SLC9A9: variants seen among roughly 807,000 people sequenced by gnomAD.
SLC9A9 encodes the protein solute carrier family 9 member A9.
Under a neutral mutation model 77.8 loss-of-function variants are expected in SLC9A9, and 62 were observed. The ratio of observed to expected loss-of-function variants is 0.80; its 90% CI spans 0.65 to 0.98. The LOEUF is 0.98. SLC9A9 is among the 50% of genes least tolerant of loss of function. The pLI is 0.00. For missense variants in SLC9A9, 775 were observed against 774.9 expected (o/e 1.00, Z 0.00); for synonymous variants, 320 against 283.5 (o/e 1.13, Z -1.29).
At chr3:143,409,028 A>C (rs6765388) in intron 12 of SLC9A9, among the ~76,000 whole-genome samples, 9,874 of 152,280 alleles carry the variant, frequency 0.065, 522 homozygotes, top group African/African-American at 0.14. Flanking sequence ...TAATTCTGGG[A>C]TCAGAAATAC....
intron 12 of SLC9A9, among the ~76,000 whole-genome samples, chr3:143,422,643 C>T (rs1294261690): frequency 6.6e-6 from 1 of 152,140 alleles, no homozygotes; most frequent in Admixed American, 6.5e-5. Context: ...CCTATTGGGT[C>T]CTATGCTCAT....
intron 2 of SLC9A9, among the ~76,000 whole-genome samples, chr3:143,808,416 A>G (rs2008779623): frequency 1.3e-5 from 2 of 152,242 alleles, no homozygotes; most frequent in South Asian, 4.1e-4. Context: ...CAGAAAATCA[A>G]TCTAATTCTA....
intron 8 of SLC9A9, among the ~76,000 whole-genome samples, chr3:143,566,081 AACTT>A (rs1228763875): frequency 2.6e-5 from 4 of 152,150 alleles, no homozygotes; most frequent in Non-Finnish European, 5.9e-5. Flanking sequence ...GTAATAAGCC[AACTT>A]ACTTACTCAG....
chr3:143,412,537 C>T (rs931914745), intron 12 of SLC9A9, among the ~76,000 whole-genome samples: 1 of 152,192 alleles, frequency 6.6e-6, no homozygotes, highest in Non-Finnish European at 1.5e-5. Context: ...CCCAGATCCA[C>T]ACTGCAAATC....
At chr3:143,597,802 A>C (rs557054718) in intron 6 of SLC9A9, among the ~76,000 whole-genome samples, 1 of 152,222 alleles carries the variant, frequency 6.6e-6, no homozygotes, top group African/African-American at 2.4e-5. Flanking sequence ...CTATAGTCTC[A>C]AATGTAGAGA....
intron 4 of SLC9A9, among the ~76,000 whole-genome samples, chr3:143,786,480 G>C (rs190129002): frequency 1.2e-4 from 19 of 152,118 alleles, no homozygotes; most frequent in African/African-American, 4.6e-4. Flanking sequence ...AATGATACAC[G>C]GGCTCACACA....
At chr3:143,578,826 G>C (rs2037409182) in intron 6 of SLC9A9, 103 bp from the exon 7 acceptor site, 1 of 1,400,326 alleles carries the variant, frequency 7.1e-7, no homozygotes. Flanking sequence ...CTGTAATGTT[G>C]GGTGCTGGTT....
chr3:143,562,807 A>G (rs1020737783), intron 8 of SLC9A9, among the ~76,000 whole-genome samples: 1 of 151,964 alleles, frequency 6.6e-6, no homozygotes, highest in Non-Finnish European at 1.5e-5. Flanking sequence ...AATTGGACAT[A>G]TGAGGCCCTG....
chr3:143,324,673 T>G (rs2031523999), intron 14 of SLC9A9, among the ~76,000 whole-genome samples: 1 of 151,786 alleles, frequency 6.6e-6, no homozygotes, highest in African/African-American at 2.4e-5. Flanking sequence ...ATACAAAAAT[T>G]TAGGTGAGTA....
chr3:143,409,156 T>C (rs55769427), intron 12 of SLC9A9, among the ~76,000 whole-genome samples: 85 of 152,342 alleles, frequency 5.6e-4, no homozygotes, highest in African/African-American at 2.0e-3. Flanking sequence ...ATAGTGCCCA[T>C]ATTCAGTTAC....
chr3:143,777,478 A>G (rs190425073), intron 4 of SLC9A9, among the ~76,000 whole-genome samples: 20 of 152,328 alleles, frequency 1.3e-4, no homozygotes, highest in Non-Finnish European at 4.4e-5. Flanking sequence ...GTTCTGAGAA[A>G]CTATTTTCTA....
chr3:143,489,717 A>G (rs149103537), intron 11 of SLC9A9, among the ~76,000 whole-genome samples: 218 of 152,192 alleles, frequency 1.4e-3, no homozygotes, highest in Non-Finnish European at 2.6e-3. Context: ...ATCAAAATAC[A>G]GTGTAAACAG....
At chr3:143,598,937 AT>A (rs1190258322) in intron 6 of SLC9A9, among the ~76,000 whole-genome samples, 6 of 152,154 alleles carry the variant, frequency 3.9e-5, no homozygotes, top group Admixed American at 1.3e-4. Context: ...GTTTGTTTCT[AT>A]TTTTGTTTTG....
Position 143,848,174 on chromosome 3 carries a change from T to A in SLC9A9, c.149A>T (p.His50Leu). ...LFKNHRFRFL[H>L]ETGGAMVYGL... ...ATACACCATTGCTCCTCCAGTTTCA[T>A]GCAAGAAGCGGAATCGATGATTTTT... Residue 50 changes from histidine to leucine, a missense_variant, in exon 1 of 16, where the codon CAT becomes CTT. Transcript: ENST00000316549. The A allele has an allele frequency of 6.2e-7, 1 of 1,614,044 alleles. No individual in the cohort carries two copies. The highest frequency in any genetic ancestry group is 8.5e-7 in the Non-Finnish European group (1 of 1,179,918).
chr3:143,477,749 G>A (rs1199121253), intron 11 of SLC9A9, among the ~76,000 whole-genome samples: 1 of 152,146 alleles, frequency 6.6e-6, no homozygotes, highest in Admixed American at 6.5e-5. Context: ...TGTCTCTGTA[G>A]AATCACAGAC....
At position 143,799,253 on chromosome 3, in the gene SLC9A9, A is replaced by C. The variant is rs1336432245; in HGVS notation, c.379-2350T>G. 2.6e-5 allele frequency among the ~76,000 whole-genome samples: 4 copies of C among 152,048 alleles called. No homozygotes were observed. In the East Asian group the frequency reaches 7.7e-4, roughly 29 times the overall value. On this transcript the variant is annotated intron_variant, in intron 2 of 15. Transcript: ENST00000316549. ...AGATGCTTTACTGCCCTAGACCCATAGGGGCCAGAAGGCCATCTTATTCTC... is the reference window on the plus strand; with the variant it reads ...AGATGCTTTACTGCCCTAGACCCATCGGGGCCAGAAGGCCATCTTATTCTC...
rs530793551 is a variant in SLC9A9, at chr3:143,628,944, T to C, written c.755+23311A>G. On this transcript the variant is annotated intron_variant, in intron 6 of 15. Transcript: ENST00000316549. ...ATAATAATAATGTAGTTCAGTTAAGTATATATATTTTTTCCAAAAGATTAA... is the reference window on the plus strand; with the variant it reads ...ATAATAATAATGTAGTTCAGTTAAGCATATATATTTTTTCCAAAAGATTAA... Among the ~76,000 whole-genome samples the C allele has an allele frequency of 1.9e-3, 287 of 152,304 alleles. 1 individual carries two copies. The highest frequency in any genetic ancestry group is 2.1e-3 in the Non-Finnish European group (146 of 68,026).
At chr3:143,737,252 G>C (rs1438707244) in intron 4 of SLC9A9, among the ~76,000 whole-genome samples, 1 of 152,096 alleles carries the variant, frequency 6.6e-6, no homozygotes, top group Non-Finnish European at 1.5e-5. Context: ...TGAAAAATTA[G>C]CTCCTTTAAT....
chr3:143,691,243 T>C (rs1300604548), intron 5 of SLC9A9, among the ~76,000 whole-genome samples: 1 of 151,586 alleles, frequency 6.6e-6, no homozygotes, highest in Non-Finnish European at 1.5e-5. Context: ...AATTTTTAAA[T>C]TTTTTTTTGA....
Sources: gnomAD v4.1 joint callset for allele counts (sites outside exome capture counted in the v4.1 genomes callset) on GRCh38, gnomAD v4.1.1 for gene constraint, MANE v1.5 for transcripts, NCBI Gene and HGNC (gene_info 2026-07-23, HGNC 2026-07-21) for gene names.